The following RBFOX1 variants were observed in gnomAD, a reference collection of about 807,000 sequenced individuals.
RBFOX1 encodes the protein RNA binding fox-1 homolog 1.
Under a neutral mutation model 57.7 loss-of-function variants are expected in RBFOX1, and 8 were observed. That is an observed-to-expected ratio of 0.14 (90% CI 0.08 to 0.25). The LOEUF (loss-of-function observed/expected upper bound fraction) is 0.25. Among genes scored for constraint, RBFOX1 ranks in the 10% least tolerant of loss-of-function variants. The pLI is 1.00. For missense variants in RBFOX1, 611 were observed against 548.5 expected (o/e 1.11, Z -1.14); for synonymous variants, 326 against 222.4 (o/e 1.47, Z -4.15).
chr16:5,635,303 A>G (rs2048647503), intron 3 of RBFOX1, among the ~76,000 whole-genome samples: 1 of 152,222 alleles, frequency 6.6e-6, no homozygotes, highest in East Asian at 1.9e-4. Flanking sequence ...GGGATCATAC[A>G]AAACAGTTTT....
intron 3 of RBFOX1, among the ~76,000 whole-genome samples, chr16:6,927,584 C>T (rs554080015): frequency 4.7e-4 from 71 of 151,844 alleles, no homozygotes; most frequent in African/African-American, 1.6e-3. Flanking sequence ...CTGCTGTGTC[C>T]TGTGTGCCTG....
chr16:5,913,453 G>A (rs146676130), intron 4 of RBFOX1, among the ~76,000 whole-genome samples: 1 of 152,162 alleles, frequency 6.6e-6, no homozygotes, highest in Non-Finnish European at 1.5e-5. Flanking sequence ...GCTCAAGTCA[G>A]AGCTGGCTGT....
At chr16:6,673,928 C>G (rs1014534321) in intron 3 of RBFOX1, among the ~76,000 whole-genome samples, 3 of 152,070 alleles carry the variant, frequency 2.0e-5, no homozygotes, top group Non-Finnish European at 4.4e-5. Flanking sequence ...AAAGACTGGC[C>G]AGGTGGAATG....
chr16:6,925,199 T>C (rs1412587408), intron 3 of RBFOX1, among the ~76,000 whole-genome samples: 2 of 129,672 alleles, frequency 1.5e-5, no homozygotes, highest in African/African-American at 5.8e-5. Flanking sequence ...AGTGGTATGA[T>C]CTCAGCTCAC....
At chr16:6,005,439 C>G (rs908496726) in intron 4 of RBFOX1, among the ~76,000 whole-genome samples, 1 of 152,192 alleles carries the variant, frequency 6.6e-6, no homozygotes, top group African/African-American at 2.4e-5. Flanking sequence ...TCCCTGCCCC[C>G]AAGGAGCTCA....
intron 1 of RBFOX1, among the ~76,000 whole-genome samples, chr16:6,185,163 A>G (rs942450828): frequency 3.9e-5 from 6 of 152,156 alleles, no homozygotes; most frequent in African/African-American, 1.4e-4. Flanking sequence ...CACATCCTTC[A>G]CCATGTGCAC....
chr16:6,079,586 C>G (rs369134338), intron 1 of RBFOX1, among the ~76,000 whole-genome samples: 11 of 151,068 alleles, frequency 7.3e-5, no homozygotes, highest in South Asian at 2.2e-4. Context: ...CCAAAATAAG[C>G]TACCACTCCT....
At chr16:5,673,691 C>G (rs972573048) in intron 3 of RBFOX1, among the ~76,000 whole-genome samples, 4 of 152,204 alleles carry the variant, frequency 2.6e-5, no homozygotes, top group African/African-American at 4.8e-5. Flanking sequence ...TTCTCTCCTT[C>G]TCTAGCTACT....
At chr16:6,726,822 T>C (rs2067295553) in intron 3 of RBFOX1, among the ~76,000 whole-genome samples, 1 of 152,068 alleles carries the variant, frequency 6.6e-6, no homozygotes, top group Non-Finnish European at 1.5e-5. Flanking sequence ...CTGGCTAGTT[T>C]TAAGGAACAC....
intron 5 of RBFOX1, among the ~76,000 whole-genome samples, chr16:7,577,949 C>T (rs1487021792): frequency 6.6e-6 from 1 of 152,178 alleles, no homozygotes; most frequent in Non-Finnish European, 1.5e-5. Context: ...GATTGTTTTT[C>T]TCTATTGGTG....
At chr16:5,891,551 C>T (rs1018792063) in intron 4 of RBFOX1, among the ~76,000 whole-genome samples, 1 of 152,192 alleles carries the variant, frequency 6.6e-6, no homozygotes, top group Non-Finnish European at 1.5e-5. Context: ...TCCCCGAGAG[C>T]CCGCTTAATT....
intron 3 of RBFOX1, among the ~76,000 whole-genome samples, chr16:5,661,127 T>G (rs1187440559): frequency 6.6e-6 from 1 of 152,242 alleles, no homozygotes; most frequent in Non-Finnish European, 1.5e-5. Flanking sequence ...AAAGGCCTCC[T>G]GTCTTTCCTC....
At chr16:7,208,651 C>A (rs988512903) in intron 4 of RBFOX1, among the ~76,000 whole-genome samples, 6 of 152,074 alleles carry the variant, frequency 3.9e-5, no homozygotes, top group African/African-American at 1.4e-4. Context: ...ACCTGGGCAA[C>A]ATAGCAAGAC....
chr16:7,278,205 A>G (rs971476593), intron 4 of RBFOX1, among the ~76,000 whole-genome samples: 2 of 152,232 alleles, frequency 1.3e-5, no homozygotes, highest in African/African-American at 2.4e-5. Context: ...TGGTGTATGC[A>G]TTCAACAAAT....
chr16:7,454,983 T>A (rs1037750835), intron 4 of RBFOX1, among the ~76,000 whole-genome samples: 1 of 152,306 alleles, frequency 6.6e-6, no homozygotes, highest in South Asian at 2.1e-4. Context: ...ATAAAGCCCA[T>A]TTTTTATGAT....
At chr16:7,311,767 G>C (rs1021828869) in intron 4 of RBFOX1, among the ~76,000 whole-genome samples, 5 of 152,172 alleles carry the variant, frequency 3.3e-5, no homozygotes, top group Non-Finnish European at 7.3e-5. Flanking sequence ...GATCTATTTA[G>C]AGCCAGTTGG....
chr16:6,814,999 A>G (rs1488988617), intron 3 of RBFOX1, among the ~76,000 whole-genome samples: 1 of 152,194 alleles, frequency 6.6e-6, no homozygotes, highest in East Asian at 1.9e-4. Flanking sequence ...CCAGCTGCTC[A>G]TCCTTATCAT....
intron 2 of RBFOX1, chr16:6,483,552 G>A: frequency 3.9e-6 from 6 of 1,534,900 alleles, no homozygotes; most frequent in South Asian, 1.2e-5. Context: ...CAGGTACGGC[G>A]AGCGAAGAAG....
chr16:6,175,419 G>C (rs898525413), intron 1 of RBFOX1, among the ~76,000 whole-genome samples: 18 of 152,112 alleles, frequency 1.2e-4, no homozygotes, highest in Admixed American at 4.6e-4. Context: ...CGTTCTGCTA[G>C]AGCTCAGAGT....
Sources: gnomAD v4.1 joint callset for allele counts (sites outside exome capture counted in the v4.1 genomes callset) on GRCh38, gnomAD v4.1.1 for gene constraint, MANE v1.5 for transcripts, NCBI Gene and HGNC (gene_info 2026-07-23, HGNC 2026-07-21) for gene names.